RGS17: variants seen among roughly 807,000 people sequenced by gnomAD.
The protein encoded by RGS17 is regulator of G-protein signaling 17.
Under a neutral mutation model 25.5 loss-of-function variants are expected in RGS17, and 12 were observed. The observed-to-expected ratio is 0.47, with a 90% confidence interval of 0.30 to 0.76. RGS17 has a LOEUF of 0.76. Among genes scored for constraint, RGS17 ranks in the 30% least tolerant of loss-of-function variants. RGS17 has a pLI of 0.07. For missense variants in RGS17, 196 were observed against 242.2 expected (o/e 0.81, Z 1.27); for synonymous variants, 71 against 76.9 (o/e 0.92, Z 0.40).
chr6:153,111,211 G>A (rs1777465020), intron 1 of RGS17, among the ~76,000 whole-genome samples: 1 of 152,140 alleles, frequency 6.6e-6, no homozygotes, highest in Non-Finnish European at 1.5e-5. Flanking sequence ...TCTTGCTGCC[G>A]GCACAGCAGT....
chr6:153,117,294 GT>G (rs1314533424), intron 1 of RGS17, among the ~76,000 whole-genome samples: 4 of 152,064 alleles, frequency 2.6e-5, no homozygotes, highest in African/African-American at 9.7e-5. Context: ...ATTAGCTCTT[GT>G]GAGAACTCAT....
intron 4 of RGS17, among the ~76,000 whole-genome samples, chr6:153,019,306 G>T (rs1359735875): frequency 1.3e-5 from 2 of 152,038 alleles, no homozygotes; most frequent in Non-Finnish European, 2.9e-5. Flanking sequence ...CTTCAATTCA[G>T]ATACATATCT....
chr6:153,034,613 A>G (rs1774620711), intron 2 of RGS17, among the ~76,000 whole-genome samples: 1 of 152,176 alleles, frequency 6.6e-6, no homozygotes, highest in South Asian at 2.1e-4. Context: ...TAACTTGCCA[A>G]AGGTTTCATA....
chr6:153,088,009 T>G (rs1777074983), intron 1 of RGS17, among the ~76,000 whole-genome samples: 2 of 152,168 alleles, frequency 1.3e-5, no homozygotes, highest in Admixed American at 1.3e-4. Flanking sequence ...GATCATGGCT[T>G]CTGTTTTGGG....
chr6:153,095,474 T>C (rs964146614), intron 1 of RGS17, among the ~76,000 whole-genome samples: 1 of 152,186 alleles, frequency 6.6e-6, no homozygotes, highest in Non-Finnish European at 1.5e-5. Flanking sequence ...TGAAATTAAA[T>C]ACCAGGTGTA....
intron 1 of RGS17, among the ~76,000 whole-genome samples, chr6:153,117,523 C>T (rs897142067): frequency 3.3e-5 from 5 of 152,312 alleles, no homozygotes; most frequent in Admixed American, 6.5e-5. Flanking sequence ...GTACTCTTCC[C>T]ACTTAGGCTC....
chr6:153,084,512 C>A (rs1005128545), intron 1 of RGS17, among the ~76,000 whole-genome samples: 1 of 151,974 alleles, frequency 6.6e-6, no homozygotes, highest in African/African-American at 2.4e-5. Context: ...GCAAAGGGAG[C>A]CACTTGGCTT....
At chr6:153,106,708 T>A (rs1777390164) in intron 1 of RGS17, among the ~76,000 whole-genome samples, 1 of 151,970 alleles carries the variant, frequency 6.6e-6, no homozygotes, top group Admixed American at 6.6e-5. Context: ...AATGGTGCGA[T>A]TTCAGCTCAT....
chr6:153,103,706 T>A (rs990801552), intron 1 of RGS17, among the ~76,000 whole-genome samples: 1 of 152,242 alleles, frequency 6.6e-6, no homozygotes, highest in African/African-American at 2.4e-5. Context: ...TAAAAATGTA[T>A]CTTATCTTTT....
chr6:153,033,636 T>C (rs1776186769), intron 2 of RGS17, among the ~76,000 whole-genome samples: 1 of 152,128 alleles, frequency 6.6e-6, no homozygotes, highest in Non-Finnish European at 1.5e-5. Context: ...AGAAATCGCT[T>C]GAGCCCCAGA....
intron 1 of RGS17, among the ~76,000 whole-genome samples, chr6:153,080,593 C>A (rs1289845941): frequency 6.6e-6 from 1 of 151,770 alleles, no homozygotes; most frequent in East Asian, 1.9e-4. Context: ...TTCTGTTTGC[C>A]TGATTTTCAT....
At chr6:153,062,115 A>T (rs1776648096) in intron 1 of RGS17, among the ~76,000 whole-genome samples, 1 of 134,694 alleles carries the variant, frequency 7.4e-6, no homozygotes, top group Non-Finnish European at 1.6e-5. Flanking sequence ...ACCCTTCACA[A>T]GGACACCAAT....
chr6:153,119,559 G>C (rs1264433983), intron 1 of RGS17, among the ~76,000 whole-genome samples: 3 of 152,106 alleles, frequency 2.0e-5, no homozygotes, highest in Non-Finnish European at 2.9e-5. Flanking sequence ...TGGCTGTGGT[G>C]GTGGGCACCT....
chr6:153,012,734 T>C (rs1458804190), intron 4 of RGS17, among the ~76,000 whole-genome samples: 1 of 152,236 alleles, frequency 6.6e-6, no homozygotes. Context: ...CTGTGAACCA[T>C]AGTTATTTCA....
intron 1 of RGS17, among the ~76,000 whole-genome samples, chr6:153,053,748 G>A (rs546289394): frequency 6.6e-6 from 1 of 150,878 alleles, no homozygotes; most frequent in African/African-American, 2.4e-5. Context: ...ACCTAGGATC[G>A]CACCATGTAC....
chr6:153,093,678 A>C (rs1396783845), intron 1 of RGS17, among the ~76,000 whole-genome samples: 4 of 152,218 alleles, frequency 2.6e-5, no homozygotes. Context: ...GTCAAAGAGA[A>C]CAGAAAGGCA....
At chr6:153,018,618 C>T (rs1779208930) in intron 4 of RGS17, among the ~76,000 whole-genome samples, 1 of 152,146 alleles carries the variant, frequency 6.6e-6, no homozygotes, top group East Asian at 1.9e-4. Flanking sequence ...TCAGAATGAC[C>T]TTACCTGACT....
chr6:153,130,925 G>A lies in RGS17; in HGVS notation c.-26+199C>T, dbSNP rs1777781278. On this transcript the variant is annotated intron_variant, in intron 1 of 4. Transcript: ENST00000206262. The surrounding 1 kb of genome is among the most constrained non-coding windows in gnomAD (Gnocchi z 6.4). ...TTCCCGGACCCGCGGCGCGGCCCCC[G>A]CTCCCGCTCAGGGCGCCGCGGCCAC... 6.6e-6 allele frequency among the ~76,000 whole-genome samples: 1 copy of A among 151,704 alleles called. No individual in the cohort carries two copies. Among genetic ancestry groups the A allele is most frequent in the African/African-American group, 2.4e-5 (1 of 41,346 alleles).
At chr6:153,091,238 A>G (rs916930522) in intron 1 of RGS17, among the ~76,000 whole-genome samples, 4 of 152,292 alleles carry the variant, frequency 2.6e-5, no homozygotes, top group African/African-American at 9.6e-5. Context: ...GCTGCCTAGG[A>G]AAACAATCTA....
Sources: allele counts gnomAD v4.1 joint callset (sites outside exome capture counted in the v4.1 genomes callset), GRCh38; gene constraint gnomAD v4.1.1; non-coding constraint Gnocchi (gnomAD v3.1); transcripts MANE v1.5; gene names NCBI Gene and HGNC (gene_info 2026-07-23, HGNC 2026-07-21).